The following CCSER1 variants were observed in gnomAD, a reference collection of about 807,000 sequenced individuals.
The protein encoded by CCSER1 is serine-rich coiled-coil domain-containing protein 1.
Under a neutral mutation model 82.0 loss-of-function variants are expected in CCSER1, and 41 were observed. That is an observed-to-expected ratio of 0.50 (90% confidence interval 0.39 to 0.65). The LOEUF (loss-of-function observed/expected upper bound fraction) is 0.65, where lower values mean the gene tolerates loss of function less well. Ranked by LOEUF, CCSER1 falls within the 30% of genes least tolerant of loss-of-function variation. The probability of loss-of-function intolerance (pLI) is 0.00; values close to 1 mark genes in which losing one functional copy is unlikely to be tolerated. For missense variants in CCSER1, 1,119 were observed against 1,064.2 expected (o/e 1.05, Z -0.72); for synonymous variants, 414 against 383.9 (o/e 1.08, Z -0.92).
At chr4:91,189,958 G>T (rs1396837942) in intron 10 of CCSER1, among the ~76,000 whole-genome samples, 1 of 152,112 alleles carries the variant, frequency 6.6e-6, no homozygotes. Context: ...TTACTCTTCT[G>T]TCCTATGAGC....
chr4:90,494,311 T>C (rs938782352), intron 5 of CCSER1, among the ~76,000 whole-genome samples: 1 of 152,094 alleles, frequency 6.6e-6, no homozygotes, highest in African/African-American at 2.4e-5. Context: ...CACACAATAA[T>C]AATGGGAGAC....
At chr4:90,557,382 A>C (rs913544505) in intron 5 of CCSER1, among the ~76,000 whole-genome samples, 3 of 152,060 alleles carry the variant, frequency 2.0e-5, no homozygotes, top group Non-Finnish European at 4.4e-5. Context: ...AATAAGTCAT[A>C]TTAACAGATG....
chr4:90,445,351 G>T (rs982582564), intron 4 of CCSER1, among the ~76,000 whole-genome samples: 1 of 152,008 alleles, frequency 6.6e-6, no homozygotes, highest in Non-Finnish European at 1.5e-5. Context: ...GAGATCAATA[G>T]CTTTTTGGAA....
intron 1 of CCSER1, among the ~76,000 whole-genome samples, chr4:90,222,763 T>G (rs1742383137): frequency 6.6e-6 from 1 of 152,160 alleles, no homozygotes; most frequent in African/African-American, 2.4e-5. Context: ...GAATACAAAC[T>G]CTTTCTGATT....
At chr4:90,688,491 A>G (rs1735229060) in intron 6 of CCSER1, among the ~76,000 whole-genome samples, 1 of 152,112 alleles carries the variant, frequency 6.6e-6, no homozygotes, top group Admixed American at 6.6e-5. Flanking sequence ...TCACTATATT[A>G]TATACTTGTT....
chr4:90,949,587 G>A (rs548451780), intron 9 of CCSER1, among the ~76,000 whole-genome samples: 1 of 152,148 alleles, frequency 6.6e-6, no homozygotes, highest in South Asian at 2.1e-4. Flanking sequence ...TGAGGAAAAC[G>A]AATCATTACA....
At chr4:91,454,574 T>C (rs929789884) in intron 10 of CCSER1, among the ~76,000 whole-genome samples, 2 of 151,868 alleles carry the variant, frequency 1.3e-5, no homozygotes, top group African/African-American at 4.8e-5. Context: ...CATTTACAGG[T>C]GTTAGGGATT....
chr4:91,106,049 G>T (rs1362156827), intron 10 of CCSER1, among the ~76,000 whole-genome samples: 1 of 152,106 alleles, frequency 6.6e-6, no homozygotes, highest in Non-Finnish European at 1.5e-5. Flanking sequence ...AGATACATTT[G>T]ACCTTCAGAA....
intron 3 of CCSER1, among the ~76,000 whole-genome samples, chr4:90,397,638 A>G (rs1438275140): frequency 3.3e-5 from 5 of 152,184 alleles, no homozygotes; most frequent in Non-Finnish European, 5.9e-5. Context: ...GTATCACCAG[A>G]CAGAGACTTT....
chr4:90,962,751 A>G (rs1561423664), intron 9 of CCSER1, among the ~76,000 whole-genome samples: 1 of 152,122 alleles, frequency 6.6e-6, no homozygotes, highest in Non-Finnish European at 1.5e-5. Flanking sequence ...CTTACCTTTC[A>G]CCTTCTAGCT....
At chr4:90,170,613 CAT>C (rs1425623497) in intron 1 of CCSER1, among the ~76,000 whole-genome samples, 4 of 151,782 alleles carry the variant, frequency 2.6e-5, no homozygotes, top group Non-Finnish European at 4.4e-5. Flanking sequence ...TAGATGAGAA[CAT>C]ATGCAATTTA....
chr4:90,251,979 T>C (rs926793853), intron 1 of CCSER1, among the ~76,000 whole-genome samples: 1 of 151,964 alleles, frequency 6.6e-6, no homozygotes, highest in African/African-American at 2.4e-5. Flanking sequence ...ATTATTTTCT[T>C]AATTCTGCTG....
intron 7 of CCSER1, among the ~76,000 whole-genome samples, chr4:90,782,376 G>C (rs548467490): frequency 3.3e-5 from 5 of 152,086 alleles, no homozygotes; most frequent in African/African-American, 9.6e-5. Flanking sequence ...GAAAATTATT[G>C]GACTAGATGA....
At chr4:90,669,251 C>T (rs959432825) in intron 6 of CCSER1, among the ~76,000 whole-genome samples, 4 of 152,042 alleles carry the variant, frequency 2.6e-5, no homozygotes, top group East Asian at 1.9e-4. Context: ...AAATTTTCTA[C>T]AATAATTGCA....
intron 5 of CCSER1, among the ~76,000 whole-genome samples, chr4:90,505,041 C>T (rs1770484992): frequency 6.6e-6 from 1 of 152,166 alleles, no homozygotes; most frequent in African/African-American, 2.4e-5. Context: ...GCAAGGTCAA[C>T]ACAACAGGAG....
At chr4:91,236,352 G>A (rs961757957) in intron 10 of CCSER1, among the ~76,000 whole-genome samples, 15 of 152,086 alleles carry the variant, frequency 9.9e-5, no homozygotes, top group East Asian at 1.9e-4. Context: ...TGGGTGTGGC[G>A]GCCACTTGTA....
intron 1 of CCSER1, among the ~76,000 whole-genome samples, chr4:90,165,789 T>C (rs952750859): frequency 2.6e-5 from 4 of 151,848 alleles, no homozygotes; most frequent in Non-Finnish European, 5.9e-5. Flanking sequence ...ATTGATGGGG[T>C]TGAAAATTTT....
chr4:90,950,298 C>T (rs909090584), intron 9 of CCSER1, among the ~76,000 whole-genome samples: 5 of 152,064 alleles, frequency 3.3e-5, no homozygotes, highest in Non-Finnish European at 7.4e-5. Flanking sequence ...ATAGCTTCTA[C>T]ATTTCTGAGC....
rs953086924 is a variant in CCSER1, at chr4:90,911,473, T to C, written c.2095-11897T>C. 15 of 308,740 alleles carry C rather than the reference T, an allele frequency of 4.9e-5. No homozygotes were observed. The East Asian group carries it at 1.3e-3, about 27-fold the overall frequency. The allele number at this position is 308,740 out of a possible 1,614,324, so 19.1% of individuals were successfully genotyped here. ...GATTCTCTCTGTGTCTCTCTTGCTT[T>C]TGTTTTATTTAAATAATCTTGGGGG... On this transcript the variant is annotated intron_variant, in intron 8 of 10. Transcript: ENST00000509176.
Sources: gnomAD v4.1 joint callset for allele counts (sites outside exome capture counted in the v4.1 genomes callset) on GRCh38, gnomAD v4.1.1 for gene constraint, MANE v1.5 for transcripts, NCBI Gene and HGNC (gene_info 2026-07-23, HGNC 2026-07-21) for gene names.